Variants in ARHGAP15 observed in about 807,000 individuals in gnomAD.
ARHGAP15 encodes rho GTPase-activating protein 15.
In ARHGAP15, 51 loss-of-function variants were observed where a neutral mutation model predicts 63.7. The ratio of observed to expected loss-of-function variants is 0.80; its 90% confidence interval spans 0.64 to 1.01. The LOEUF is 1.01. ARHGAP15 is among the 50% of genes least tolerant of loss of function. The pLI is 0.00. For missense variants in ARHGAP15, 560 were observed against 564.6 expected, an observed-to-expected ratio of 0.99 and a Z score of 0.08; for synonymous variants, 191 against 193.8, an observed-to-expected ratio of 0.99 and a Z score of 0.12.
At chr2:143,657,930 T>C (rs1395370938) in intron 12 of ARHGAP15, among the ~76,000 whole-genome samples, 1 of 152,266 alleles carries the variant, frequency 6.6e-6, no homozygotes, top group Admixed American at 6.5e-5. Flanking sequence ...GTTCCTGTTT[T>C]GTATTCATTC....
At position 143,542,701 on chromosome 2, in the gene ARHGAP15, A is replaced by G. The variant is rs1180797153; in HGVS notation, c.926-13707A>G. 4.2e-5 allele frequency among the ~76,000 whole-genome samples: 6 copies of G among 141,812 alleles called. No homozygotes were observed. The East Asian group carries it at 9.8e-4, about 23-fold the overall frequency. The allele number at this position is 141,812 out of a possible 152,430, so 93.0% of individuals were successfully genotyped here. On this transcript the variant is annotated intron_variant, in intron 10 of 13. Coordinates refer to ENST00000295095, the MANE Select transcript of ARHGAP15 (RefSeq NM_018460.4). ...TGATATGATATATAGTATCACATAT[A>G]TAATATATATGATATATATAATATC...
chr2:143,186,184 G>C (rs1178581040), intron 2 of ARHGAP15, among the ~76,000 whole-genome samples: 2 of 152,110 alleles, frequency 1.3e-5, no homozygotes, highest in Non-Finnish European at 2.9e-5. Flanking sequence ...TTGATAATAT[G>C]AAATAGGAAT....
rs114662913 is a variant in ARHGAP15 at position 143,369,922 on chromosome 2, G to A, written c.475-65679G>A. The stretch of plus-strand genomic sequence containing the variant: ...ATAATTTGCCCAATATTTCTCCCCC[G>A]TAGATGTAAATCCTGAATTGGGATT... On this transcript the variant is annotated intron_variant, in intron 6 of 13. Coordinates refer to ENST00000295095, the MANE Select transcript of ARHGAP15 (RefSeq NM_018460.4). Among the ~76,000 whole-genome samples, 292 of 151,740 alleles carry A rather than the reference G, an allele frequency of 1.9e-3. 1 individual carries two copies. The highest frequency in any genetic ancestry group is 6.1e-3 in the African/African-American group (251 of 41,332).
At chr2:143,711,930 AAAAACAAAAC>A (rs992944746) in intron 13 of ARHGAP15, among the ~76,000 whole-genome samples, 1 of 152,212 alleles carries the variant, frequency 6.6e-6, no homozygotes, top group African/African-American at 2.4e-5. Context: ...GTCAAAAAAC[AAAAACAAAAC>A]AAAACAAAAC....
chr2:143,252,578 A>G (rs1680211573), intron 6 of ARHGAP15, among the ~76,000 whole-genome samples: 1 of 152,020 alleles, frequency 6.6e-6, no homozygotes, highest in Non-Finnish European at 1.5e-5. Flanking sequence ...AGAGGTGATC[A>G]TAAGGATATT....
intron 4 of ARHGAP15, among the ~76,000 whole-genome samples, chr2:143,227,672 T>A (rs533861077): frequency 7.2e-5 from 11 of 152,244 alleles, no homozygotes; most frequent in African/African-American, 2.6e-4. Flanking sequence ...CCTTCGCACA[T>A]CAGTATTCTT....
chr2:143,592,542 C>T (rs1226810536), intron 11 of ARHGAP15, among the ~76,000 whole-genome samples: 1 of 152,154 alleles, frequency 6.6e-6, no homozygotes, highest in East Asian at 1.9e-4. Context: ...GTGGAGTCTG[C>T]AGCCCTGTGT....
At chr2:143,346,211 C>T (rs1574310452) in intron 6 of ARHGAP15, among the ~76,000 whole-genome samples, 1 of 133,342 alleles carries the variant, frequency 7.5e-6, no homozygotes, top group Non-Finnish European at 1.6e-5. Flanking sequence ...CTCACACACA[C>T]ACTCTCTCTC....
chr2:143,559,699 C>G (rs552144371), intron 11 of ARHGAP15, among the ~76,000 whole-genome samples: 2 of 152,330 alleles, frequency 1.3e-5, no homozygotes, highest in East Asian at 3.9e-4. Context: ...GTAGAGCTGA[C>G]TTGAAAATAA....
intron 9 of ARHGAP15, among the ~76,000 whole-genome samples, chr2:143,505,776 C>T (rs1693282765): frequency 6.6e-6 from 1 of 152,182 alleles, no homozygotes. Context: ...CACTTTTCAT[C>T]AAAGCCACTT....
intron 10 of ARHGAP15, among the ~76,000 whole-genome samples, chr2:143,531,601 T>C (rs1260043120): frequency 6.6e-6 from 1 of 152,216 alleles, no homozygotes; most frequent in African/African-American, 2.4e-5. Context: ...AAAATTGAGC[T>C]TGATCAGAGT....
intron 11 of ARHGAP15, among the ~76,000 whole-genome samples, chr2:143,603,050 T>C (rs949576760): frequency 6.6e-6 from 1 of 152,204 alleles, no homozygotes; most frequent in Non-Finnish European, 1.5e-5. Context: ...TCTGTATGTA[T>C]AGTTTACCTT....
At chr2:143,613,291 CTCTA>C (rs922436911) in intron 11 of ARHGAP15, among the ~76,000 whole-genome samples, 4 of 152,052 alleles carry the variant, frequency 2.6e-5, no homozygotes, top group African/African-American at 9.7e-5. Flanking sequence ...ATTTTCTAAA[CTCTA>C]TAATTAAAAT....
rs551633493 is a variant in ARHGAP15 at position 143,182,171 on chromosome 2, C to T, written c.166-19963C>T. Among the ~76,000 whole-genome samples, 8 of 152,172 alleles carry T rather than the reference C, an allele frequency of 5.3e-5. No homozygotes were observed. The East Asian group carries it at 1.4e-3, about 26-fold the overall frequency. ...AGCAATGGGGTTTTGCCATGTTGGC[C>T]AGGCTGGTCTCAAACTCCTGACCTT... is the stretch of plus-strand genomic sequence containing the variant. On this transcript the variant is annotated intron_variant, in intron 2 of 13. Transcript: ENST00000295095.
intron 6 of ARHGAP15, among the ~76,000 whole-genome samples, chr2:143,300,216 T>C (rs1436528449): frequency 1.3e-5 from 2 of 152,006 alleles, no homozygotes; most frequent in African/African-American, 4.8e-5. Flanking sequence ...CACATGGAAA[T>C]ACATCATTCA....
At chr2:143,285,760 C>CT (rs1396591777) in intron 6 of ARHGAP15, among the ~76,000 whole-genome samples, 1 of 152,126 alleles carries the variant, frequency 6.6e-6, no homozygotes, top group Non-Finnish European at 1.5e-5. Context: ...AGAGTGAGAT[C>CT]TACATATTCC....
At chr2:143,132,692 C>T (rs978556726) in intron 1 of ARHGAP15, among the ~76,000 whole-genome samples, 1 of 152,152 alleles carries the variant, frequency 6.6e-6, no homozygotes, top group African/African-American at 2.4e-5. Context: ...AGAGGGGTCT[C>T]CTGATGTAGA....
At chr2:143,606,195 G>A (rs1186806382) in intron 11 of ARHGAP15, among the ~76,000 whole-genome samples, 1 of 152,120 alleles carries the variant, frequency 6.6e-6, no homozygotes, top group Non-Finnish European at 1.5e-5. Context: ...ATGGGAAGCT[G>A]GTTTAAATAT....
At position 143,210,369 on chromosome 2, in the gene ARHGAP15, T is replaced by C. The variant is rs190638158; in HGVS notation, c.235-6015T>C. Among the ~76,000 whole-genome samples the C allele has an allele frequency of 2.0e-5, 3 of 152,090 alleles. No individual in the cohort carries two copies. The East Asian group carries it at 5.8e-4, about 29-fold the overall frequency. Reference sequence around the variant, plus strand: ...AACACACCGGTTGCCAGATGAAAGGTTCAGAAAAAAAGTCGTATGGGGGTT... The same window carrying C: ...AACACACCGGTTGCCAGATGAAAGGCTCAGAAAAAAAGTCGTATGGGGGTT... On this transcript the variant is annotated intron_variant, in intron 3 of 13. Transcript: ENST00000295095.
Sources: gnomAD v4.1 joint callset for allele counts (sites outside exome capture counted in the v4.1 genomes callset) on GRCh38, gnomAD v4.1.1 for gene constraint, MANE v1.5 for transcripts, NCBI Gene and HGNC (gene_info 2026-07-23, HGNC 2026-07-21) for gene names.